The following ZSWIM6 variants were observed in gnomAD, a reference collection of about 807,000 sequenced individuals.
ZSWIM6 encodes the protein zinc finger SWIM-type containing 6, also known as zinc finger SWIM domain-containing protein 6.
In ZSWIM6, 9 loss-of-function variants were observed where a neutral mutation model predicts 113.2. The ratio of observed to expected loss-of-function variants is 0.08; its 90% CI spans 0.05 to 0.14. ZSWIM6 has a LOEUF of 0.14. Ranked by LOEUF, ZSWIM6 falls within the 10% of genes least tolerant of loss-of-function variation. The pLI is 1.00. For synonymous variants in ZSWIM6, 611 were observed against 606.5 expected, an observed-to-expected ratio of 1.01 and a Z score of -0.11; for missense variants, 1,162 against 1,552.2, an observed-to-expected ratio of 0.75 and a Z score of 4.22.
chr5:61,389,541 C>T (rs1382561901), intron 1 of ZSWIM6, among the ~76,000 whole-genome samples: 1 of 103,692 alleles, frequency 9.6e-6, no homozygotes, highest in Non-Finnish European at 1.8e-5. Context: ...GGCGACAGTG[C>T]AAGACTCAGT....
chr5:61,507,906 A>G (rs776355263), intron 4 of ZSWIM6, among the ~76,000 whole-genome samples: 1 of 152,178 alleles, frequency 6.6e-6, no homozygotes, highest in Non-Finnish European at 1.5e-5. Flanking sequence ...ATACATAACT[A>G]TACATACAAA....
At chr5:61,388,253 G>C (rs1745630413) in intron 1 of ZSWIM6, among the ~76,000 whole-genome samples, 1 of 152,054 alleles carries the variant, frequency 6.6e-6, no homozygotes, top group African/African-American at 2.4e-5. Flanking sequence ...AAAGTGCTGG[G>C]ATCACAGGCA....
intron 1 of ZSWIM6, among the ~76,000 whole-genome samples, chr5:61,367,293 G>A (rs1745179684): frequency 6.6e-6 from 1 of 151,958 alleles, no homozygotes; most frequent in Non-Finnish European, 1.5e-5. Context: ...GTTTCATTCT[G>A]TAGCCCAGGC....
chr5:61,521,220 TA>T (rs1749112763), intron 4 of ZSWIM6, 42 bp from the exon 5 acceptor site: 3 of 1,211,442 alleles, frequency 2.5e-6, no homozygotes, highest in Non-Finnish European at 3.2e-6. Flanking sequence ...TGGATGTTTT[TA>T]TAATTTTTGA....
chr5:61,392,752 ACAGGCATCCGTCAC>A (rs1745750058), intron 1 of ZSWIM6, among the ~76,000 whole-genome samples: 1 of 151,470 alleles, frequency 6.6e-6, no homozygotes, highest in Admixed American at 6.6e-5. Flanking sequence ...AGCCGGGATT[ACAGGCATCCGTCAC>A]CACCCCCTGC....
At chr5:61,476,370 T>C (rs902183044) in intron 2 of ZSWIM6, among the ~76,000 whole-genome samples, 1 of 152,186 alleles carries the variant, frequency 6.6e-6, no homozygotes, top group Non-Finnish European at 1.5e-5. Context: ...GTCTACTGAC[T>C]TATCCAAGGT....
intron 1 of ZSWIM6, among the ~76,000 whole-genome samples, chr5:61,467,933 G>A (rs941311270): frequency 1.3e-5 from 2 of 152,136 alleles, no homozygotes; most frequent in Admixed American, 1.3e-4. Flanking sequence ...CTCCCCTCAA[G>A]ATTCCAGTAG....
At chr5:61,399,775 C>T (rs1353013943) in intron 1 of ZSWIM6, among the ~76,000 whole-genome samples, 1 of 152,164 alleles carries the variant, frequency 6.6e-6, no homozygotes, top group Non-Finnish European at 1.5e-5. Flanking sequence ...AAAATACTTC[C>T]TCTGTAGGTG....
chr5:61,435,561 C>T (rs1308878840), intron 1 of ZSWIM6, among the ~76,000 whole-genome samples: 1 of 152,154 alleles, frequency 6.6e-6, no homozygotes, highest in African/African-American at 2.4e-5. Flanking sequence ...ATTAAGCTTG[C>T]AGTTGATTCC....
At chr5:61,344,711 T>TA (rs1414782787) in intron 1 of ZSWIM6, among the ~76,000 whole-genome samples, 26 of 152,330 alleles carry the variant, frequency 1.7e-4, no homozygotes, top group African/African-American at 6.0e-4. Flanking sequence ...ACCTATGTGT[T>TA]ACAGCTGCTG....
chr5:61,530,088 T>G lies in ZSWIM6; in HGVS notation c.1874T>G (p.Leu625Arg). The G allele has an allele frequency of 6.4e-7, 1 of 1,551,594 alleles. No individual in the cohort carries two copies. Among genetic ancestry groups the G allele is most frequent in the Non-Finnish European group, 8.7e-7 (1 of 1,146,848 alleles). Residue 625 changes from leucine to arginine, a missense_variant, in exon 8 of 14, where the codon CTG becomes CGG. Coordinates refer to ENST00000252744, the MANE Select transcript of ZSWIM6 (RefSeq NM_020928.2). ...PHKNITSITN[L>R]EGWVGHPLDP... The stretch of plus-strand genomic sequence containing the variant: ...AAAAACATAACCTCGATAACCAATC[T>G]GGAGGGCTGGGTTGGACATCCCCTG...
chr5:61,393,071 G>A (rs778230397), intron 1 of ZSWIM6, among the ~76,000 whole-genome samples: 5 of 150,786 alleles, frequency 3.3e-5, no homozygotes, highest in Admixed American at 6.6e-5. Context: ...ACAGAGTCTC[G>A]CTCTGTCACC....
intron 1 of ZSWIM6, among the ~76,000 whole-genome samples, chr5:61,360,838 G>T (rs564596936): frequency 6.6e-6 from 1 of 152,210 alleles, no homozygotes; most frequent in African/African-American, 2.4e-5. Flanking sequence ...TTACAACTTT[G>T]ACTTCTGTGA....
intron 3 of ZSWIM6, among the ~76,000 whole-genome samples, chr5:61,493,934 C>A (rs1748251802): frequency 6.6e-6 from 1 of 151,964 alleles, no homozygotes; most frequent in African/African-American, 2.4e-5. Flanking sequence ...TGTGTAAGAC[C>A]CAACCAGAAC....
intron 4 of ZSWIM6, among the ~76,000 whole-genome samples, chr5:61,510,387 T>C (rs930422001): frequency 6.6e-6 from 1 of 151,912 alleles, no homozygotes; most frequent in Non-Finnish European, 1.5e-5. Flanking sequence ...CCATGACTAT[T>C]AGTGTTCTGC....
intron 1 of ZSWIM6, among the ~76,000 whole-genome samples, chr5:61,463,967 T>C (rs766018579): frequency 2.6e-5 from 4 of 151,910 alleles, no homozygotes; most frequent in Non-Finnish European, 5.9e-5. Flanking sequence ...CTGGATCTGT[T>C]AGTTTGCCTC....
intron 1 of ZSWIM6, chr5:61,375,324 A>C: frequency 1.9e-6 from 3 of 1,605,668 alleles, no homozygotes; most frequent in Non-Finnish European, 2.6e-6. Flanking sequence ...ACTGGAAGAA[A>C]GAACTGGAAA....
intron 1 of ZSWIM6, among the ~76,000 whole-genome samples, chr5:61,337,350 A>G (rs1209414856): frequency 2.0e-5 from 3 of 152,190 alleles, no homozygotes; most frequent in Non-Finnish European, 4.4e-5. Context: ...CTTCTACCAC[A>G]TTGGTGAAGA....
chr5:61,454,258 T>TTA (rs1461454550), intron 1 of ZSWIM6, among the ~76,000 whole-genome samples: 3 of 148,672 alleles, frequency 2.0e-5, no homozygotes, highest in African/African-American at 7.4e-5. Context: ...TTATTTTATT[T>TTA]TATTTTATTT....
Sources: gnomAD v4.1 joint callset for allele counts (sites outside exome capture counted in the v4.1 genomes callset) on GRCh38, gnomAD v4.1.1 for gene constraint, MANE v1.5 for transcripts, NCBI Gene and HGNC (gene_info 2026-07-23, HGNC 2026-07-21) for gene names.